Variants in TMEM108 observed in about 807,000 individuals in gnomAD.
TMEM108 encodes the protein cancer/testis antigen 124.
Under a neutral mutation model 35.1 loss-of-function variants are expected in TMEM108, and 12 were observed. That is an observed-to-expected ratio of 0.34 (90% CI 0.22 to 0.55). The LOEUF is 0.55. Ranked by LOEUF, TMEM108 falls within the 20% of genes least tolerant of loss-of-function variation. TMEM108 has a pLI of 0.89. For synonymous variants in TMEM108, 287 were observed against 308.6 expected, an observed-to-expected ratio of 0.93 and a Z score of 0.73; for missense variants, 680 against 753.3, an observed-to-expected ratio of 0.90 and a Z score of 1.14.
intron 3 of TMEM108, among the ~76,000 whole-genome samples, chr3:133,329,247 CATT>C (rs1283653829): frequency 6.6e-6 from 1 of 152,086 alleles, no homozygotes; most frequent in Non-Finnish European, 1.5e-5. Context: ...TTTAAAAAAA[CATT>C]AACACCCCAA....
At chr3:133,184,876 G>A (rs1360945907) in intron 2 of TMEM108, among the ~76,000 whole-genome samples, 1 of 152,224 alleles carries the variant, frequency 6.6e-6, no homozygotes. Context: ...TGTAACAGCA[G>A]ATGAAGGCTC....
chr3:133,290,272 A>G (rs941277861), intron 3 of TMEM108, among the ~76,000 whole-genome samples: 2 of 152,140 alleles, frequency 1.3e-5, no homozygotes, highest in African/African-American at 4.8e-5. Context: ...CCACTTAGCT[A>G]TCTCTCTCTT....
intron 1 of TMEM108, chr3:133,041,725 A>G (rs1279934260): frequency 6.6e-6 from 1 of 152,240 alleles, no homozygotes; most frequent in East Asian, 1.9e-4. Context: ...TTAATTAAAC[A>G]TAATAATCAT....
intron 2 of TMEM108, among the ~76,000 whole-genome samples, chr3:133,154,791 A>C (rs1944854461): frequency 1.3e-5 from 2 of 152,168 alleles, no homozygotes; most frequent in South Asian, 4.1e-4. Context: ...TAGCACACCA[A>C]CATGGCACAT....
At chr3:133,186,405 A>G (rs932675494) in intron 2 of TMEM108, among the ~76,000 whole-genome samples, 1 of 152,238 alleles carries the variant, frequency 6.6e-6, no homozygotes, top group Admixed American at 6.5e-5. Flanking sequence ...TACATAATTT[A>G]TTCCTTACTG....
At chr3:133,158,444 G>A (rs2107775866) in intron 2 of TMEM108, among the ~76,000 whole-genome samples, 1 of 142,440 alleles carries the variant, frequency 7.0e-6, no homozygotes, top group African/African-American at 2.6e-5. Context: ...CTCTAGCCTG[G>A]CAACAGAGTG....
chr3:133,370,424 G>C (rs1391386137), intron 3 of TMEM108, among the ~76,000 whole-genome samples: 1 of 152,192 alleles, frequency 6.6e-6, no homozygotes, highest in Non-Finnish European at 1.5e-5. Flanking sequence ...TTCATATCAA[G>C]GGTACATATT....
intron 3 of TMEM108, among the ~76,000 whole-genome samples, chr3:133,313,474 C>A (rs995314704): frequency 6.6e-6 from 1 of 152,160 alleles, no homozygotes; most frequent in African/African-American, 2.4e-5. Context: ...CGTGAGCCAC[C>A]GCGCCTGGCC....
chr3:133,240,891 A>G (rs1005275204), intron 3 of TMEM108, among the ~76,000 whole-genome samples: 2 of 152,202 alleles, frequency 1.3e-5, no homozygotes, highest in Non-Finnish European at 2.9e-5. Flanking sequence ...TTTTGTTGTA[A>G]TATTGTAAGC....
intron 3 of TMEM108, among the ~76,000 whole-genome samples, chr3:133,249,977 A>G (rs1436861307): frequency 6.6e-6 from 1 of 152,164 alleles, no homozygotes; most frequent in African/African-American, 2.4e-5. Flanking sequence ...GGGTCTCACT[A>G]TGTTGCCCAG....
chr3:133,181,850 CA>C (rs1337929062), intron 2 of TMEM108, among the ~76,000 whole-genome samples: 1 of 152,132 alleles, frequency 6.6e-6, no homozygotes. Flanking sequence ...ATTCTATTAC[CA>C]AATAGCTTAA....
intron 2 of TMEM108, among the ~76,000 whole-genome samples, chr3:133,187,232 A>G (rs1338796238): frequency 1.3e-5 from 2 of 152,236 alleles, no homozygotes; most frequent in Admixed American, 1.3e-4. Context: ...TATGTAAACT[A>G]GAAGGAGAGA....
At chr3:133,111,236 T>C (rs766239905) in intron 2 of TMEM108, among the ~76,000 whole-genome samples, 5 of 152,132 alleles carry the variant, frequency 3.3e-5, no homozygotes, top group Non-Finnish European at 7.3e-5. Flanking sequence ...GAAAAAACAG[T>C]CTTAGGTGGG....
chr3:133,280,600 CAAAT>C (rs1946899513), intron 3 of TMEM108, among the ~76,000 whole-genome samples: 2 of 152,172 alleles, frequency 1.3e-5, no homozygotes, highest in South Asian at 2.1e-4. Context: ...CCTGTGGACA[CAAAT>C]AAAGGGATCT....
chr3:133,044,496 A>C (rs1943311794), intron 1 of TMEM108, among the ~76,000 whole-genome samples: 1 of 152,230 alleles, frequency 6.6e-6, no homozygotes, highest in African/African-American at 2.4e-5. Context: ...GTTTTCAAAA[A>C]TGTTCTCTAA....
rs538642807 is a variant in TMEM108 at position 133,289,848 on chromosome 3, A to G, written c.40+60497A>G. On this transcript the variant is annotated intron_variant, in intron 3 of 5. Transcript: ENST00000321871. ...GGGAATCCCTGCATTACGTTATGCC[A>G]CCTAAGATGTGGAAGCTAAAACATG... 4.2e-4 allele frequency among the ~76,000 whole-genome samples: 64 copies of G among 152,284 alleles called. No homozygotes were observed. In the South Asian group the frequency reaches 8.3e-3, roughly 20 times the overall value.
chr3:133,078,173 GCACA>G (rs1388719230), intron 2 of TMEM108, among the ~76,000 whole-genome samples: 110 of 60,800 alleles, frequency 1.8e-3, no homozygotes, highest in African/African-American at 6.5e-3. Flanking sequence ...GCGCGCGCGC[GCACA>G]CGTGTGTGTG....
intron 2 of TMEM108, among the ~76,000 whole-genome samples, chr3:133,128,876 A>G (rs1455047744): frequency 2.0e-5 from 3 of 152,112 alleles, no homozygotes; most frequent in East Asian, 3.9e-4. Flanking sequence ...ACCCAGATGG[A>G]TAGCTGATTG....
chr3:133,149,370 T>G (rs1355191503), intron 2 of TMEM108, among the ~76,000 whole-genome samples: 2 of 152,372 alleles, frequency 1.3e-5, no homozygotes, highest in East Asian at 1.9e-4. Context: ...TGATGTATGG[T>G]GAGAACACTA....
Sources: gnomAD v4.1 joint callset for allele counts (sites outside exome capture counted in the v4.1 genomes callset) on GRCh38, gnomAD v4.1.1 for gene constraint, MANE v1.5 for transcripts, NCBI Gene and HGNC (gene_info 2026-07-23, HGNC 2026-07-21) for gene names.